The following USP54 variants were observed in gnomAD, a reference collection of about 807,000 sequenced individuals.
USP54 encodes the protein ubiquitin specific peptidase 54, also known as ubiquitin carboxyl-terminal hydrolase 54.
In USP54, 87 loss-of-function variants were observed where a neutral mutation model predicts 170.5. The ratio of observed to expected loss-of-function variants is 0.51; its 90% CI spans 0.43 to 0.61. The LOEUF (loss-of-function observed/expected upper bound fraction) is 0.61, where lower values mean the gene tolerates loss of function less well. USP54 is among the 20% of genes least tolerant of loss of function. The pLI is 0.00. For missense variants in USP54, 1,786 were observed against 2,047.8 expected (o/e 0.87, Z 2.47); for synonymous variants, 655 against 742.8 (o/e 0.88, Z 1.92).
intron 20 of USP54, 31 bp downstream of exon 20, chr10:73,516,344 C>T: frequency 1.3e-6 from 2 of 1,574,002 alleles, no homozygotes; most frequent in Non-Finnish European, 1.7e-6. Flanking sequence ...TGATCCTCCC[C>T]CCTCCCCCCA....
intron 4 of USP54, among the ~76,000 whole-genome samples, chr10:73,565,415 C>A (rs888403309): frequency 2.6e-5 from 4 of 151,882 alleles, no homozygotes; most frequent in Admixed American, 2.0e-4. Context: ...ACTCGGGAGG[C>A]AGAGGCAAGA....
chr10:73,579,918 T>C (rs1004017861), intron 1 of USP54, among the ~76,000 whole-genome samples: 1 of 152,160 alleles, frequency 6.6e-6, no homozygotes, highest in African/African-American at 2.4e-5. Flanking sequence ...AAAACTACAC[T>C]ATACACCTAT....
rs2061641587 is a variant in USP54, at chr10:73,519,882, T to C, written c.2593A>G (p.Met865Val). The change falls in exon 19 of 24, where the codon ATG becomes GTG. Residue 865 changes from methionine to valine, a missense_variant. This residue lies in a region of USP54 where 1,418 missense variants were observed against 1,569.0 expected (regional missense o/e 0.90). Coordinates refer to ENST00000687698, the MANE Select transcript of USP54 (RefSeq NM_001391956.1). ...IRKARSLQDR[M>V]QQQQSPQQPS... ...TGCTGTGGTGATTGCTGCTGCTGCATGCGATCCTGCAGGCTCCGTGCTTTT... is the reference window on the plus strand; with the variant it reads ...TGCTGTGGTGATTGCTGCTGCTGCACGCGATCCTGCAGGCTCCGTGCTTTT... 6.2e-7 allele frequency: 1 copy of C among 1,614,198 alleles called. No individual in the cohort carries two copies. Among genetic ancestry groups the C allele is most frequent in the Non-Finnish European group, 8.5e-7 (1 of 1,180,038 alleles).
intron 1 of USP54, among the ~76,000 whole-genome samples, chr10:73,621,617 A>C (rs977136742): frequency 6.6e-6 from 1 of 151,772 alleles, no homozygotes; most frequent in African/African-American, 2.4e-5. Context: ...AAAAAAAAAA[A>C]AACTACTGTA....
intron 20 of USP54, among the ~76,000 whole-genome samples, chr10:73,514,081 T>C (rs1388947276): frequency 6.6e-6 from 1 of 152,070 alleles, no homozygotes; most frequent in African/African-American, 2.4e-5. Context: ...CCTCCCAAAA[T>C]GCTGGGATCA....
chr10:73,568,194 T>C (rs2074270973), intron 4 of USP54, among the ~76,000 whole-genome samples: 1 of 152,152 alleles, frequency 6.6e-6, no homozygotes, highest in African/African-American at 2.4e-5. Flanking sequence ...ATTACAGGCA[T>C]AGCCACTGCT....
intron 1 of USP54, among the ~76,000 whole-genome samples, chr10:73,583,430 C>T (rs981369214): frequency 2.0e-5 from 3 of 152,130 alleles, no homozygotes; most frequent in African/African-American, 7.2e-5. Flanking sequence ...GGATTACAGG[C>T]GCCTGCCACC....
intron 4 of USP54, among the ~76,000 whole-genome samples, chr10:73,550,335 A>T (rs936613647): frequency 5.3e-5 from 8 of 152,240 alleles, no homozygotes; most frequent in African/African-American, 1.9e-4. Context: ...CTTCCTCTAG[A>T]TATGTATGGC....
chr10:73,586,327 AAGCCTTCCC>A (rs2077479179), intron 1 of USP54, among the ~76,000 whole-genome samples: 1 of 152,204 alleles, frequency 6.6e-6, no homozygotes, highest in Non-Finnish European at 1.5e-5. Context: ...CTACAAGGAA[AAGCCTTCCC>A]AGATCATTCT....
Position 73,517,661 on chromosome 10 carries a change from A to G in USP54, c.2765T>C (p.Phe922Ser). 1 of 1,614,238 alleles carries G rather than the reference A, an allele frequency of 6.2e-7. No individual in the cohort carries two copies. Among genetic ancestry groups the G allele is most frequent in the Non-Finnish European group, 8.5e-7 (1 of 1,180,042 alleles). ...GMDTEFGASS[F>S]FHSPASCHES... ...ATGGCAGGAAGCAGGTGAATGGAAGAAAGAACTGGCCCCAAACTCTGTATC... is the reference window on the plus strand; with the variant it reads ...ATGGCAGGAAGCAGGTGAATGGAAGGAAGAACTGGCCCCAAACTCTGTATC... The change falls in exon 20 of 24, where the codon TTC becomes TCC. Residue 922 changes from phenylalanine to serine, a missense_variant. Transcript: ENST00000687698.
chr10:73,541,789 T>G (rs754417191), intron 7 of USP54, 51 bp from the exon 8 acceptor site: 2 of 1,536,358 alleles, frequency 1.3e-6, no homozygotes, highest in Admixed American at 1.7e-5. Flanking sequence ...TAGTTACTGC[T>G]AAATCAAACA....
At chr10:73,620,322 A>AG (rs2132354249) in intron 1 of USP54, among the ~76,000 whole-genome samples, 1 of 123,204 alleles carries the variant, frequency 8.1e-6, no homozygotes, top group East Asian at 2.4e-4. Flanking sequence ...CAAAAAAAAA[A>AG]AAGAAAGAAA....
At chr10:73,624,666 G>A (rs2081382947) in intron 1 of USP54, 1 of 152,098 alleles carries the variant, frequency 6.6e-6, no homozygotes, top group Admixed American at 6.5e-5. Context: ...TTATTTTTAT[G>A]CCTGACTTGA....
In USP54 at chr10:73,545,608, G is replaced by A. The variant is rs2067613028; in HGVS notation, c.305C>T (p.Ala102Val). 1.2e-6 allele frequency: 2 copies of A among 1,614,210 alleles called. No individual in the cohort carries two copies. Among genetic ancestry groups the A allele is most frequent in the Non-Finnish European group, 1.7e-6 (2 of 1,180,028 alleles). The part of the protein sequence containing the change: ...KVLPSDTLRS[A>V]LAKTFQDEQR... ...TTCATCCTGGAAAGTCTTTGCCAGA[G>A]CACTGCGGAGAGTGTCAGATGGAAG... The change falls in exon 5 of 24, where the codon GCT becomes GTT. Residue 102 changes from alanine to valine, a missense_variant. Coordinates refer to ENST00000687698, the MANE Select transcript of USP54 (RefSeq NM_001391956.1).
At chr10:73,560,213 A>G (rs2072504700) in intron 4 of USP54, among the ~76,000 whole-genome samples, 1 of 152,182 alleles carries the variant, frequency 6.6e-6, no homozygotes, top group Non-Finnish European at 1.5e-5. Context: ...ATGTAACTTA[A>G]CCACAGAATA....
rs1049054011 is a variant in USP54 at position 73,558,071 on chromosome 10, G to A, written c.241-12399C>T. 6.6e-5 allele frequency among the ~76,000 whole-genome samples: 10 copies of A among 150,438 alleles called. No individual in the cohort carries two copies. The East Asian group carries it at 1.2e-3, about 18-fold the overall frequency. On this transcript the variant is annotated intron_variant, in intron 4 of 23. Transcript: ENST00000687698. The stretch of plus-strand genomic sequence containing the variant: ...TTGATTTTTGTATTTTAGTAGAGAC[G>A]GGGTTTCACCATGTTGGCCAGGATG...
In USP54 at chr10:73,523,742, T is replaced by C. The variant is rs866775512; in HGVS notation, c.2203A>G (p.Ile735Val). Reference protein sequence around the residue: ...TKSQPFSGEEISSKSELDELQ... With the variant: ...TKSQPFSGEEVSSKSELDELQ... The stretch of plus-strand genomic sequence containing the variant: ...TCATCCAGTTCACTTTTAGAAGATA[T>C]CTCCTCACCTGTAATATAAGCAAGG... Residue 735 changes from isoleucine to valine, a missense_variant, in exon 17 of 24, where the codon ATA becomes GTA. Coordinates refer to ENST00000687698, the MANE Select transcript of USP54 (RefSeq NM_001391956.1). 5.0e-6 allele frequency: 8 copies of C among 1,612,466 alleles called. No individual in the cohort carries two copies. In the African/African-American group the frequency reaches 6.7e-5, roughly 13 times the overall value.
At chr10:73,613,832 A>T (rs2080371011) in intron 1 of USP54, 1 of 151,942 alleles carries the variant, frequency 6.6e-6, no homozygotes. Flanking sequence ...TTGAGCCGAG[A>T]TTGTGCCACT....
chr10:73,515,768 C>T (rs2060960801), intron 20 of USP54: 1 of 151,840 alleles, frequency 6.6e-6, no homozygotes, highest in African/African-American at 2.4e-5. Flanking sequence ...CTCTCAAACA[C>T]CTATGAACCA....
Sources: allele counts gnomAD v4.1 joint callset (sites outside exome capture counted in the v4.1 genomes callset), GRCh38; gene constraint gnomAD v4.1.1; regional missense constraint gnomAD v4.1.1; transcripts MANE v1.5; gene names NCBI Gene and HGNC (gene_info 2026-07-23, HGNC 2026-07-21).